PIK3C2G: variants seen among roughly 807,000 people sequenced by gnomAD.
The protein encoded by PIK3C2G is phosphatidylinositol 3-kinase C2 domain-containing subunit gamma.
In PIK3C2G, 168 loss-of-function variants were observed where a neutral mutation model predicts 181.1. The observed-to-expected ratio is 0.93, with a 90% CI of 0.82 to 1.05. The LOEUF (loss-of-function observed/expected upper bound fraction) is 1.05. Among genes scored for constraint, PIK3C2G ranks in the 50% least tolerant of loss-of-function variants. The pLI, the probability that PIK3C2G is intolerant of heterozygous loss-of-function variation, is 0.00. For missense variants in PIK3C2G, 1,869 were observed against 1,732.8 expected, an observed-to-expected ratio of 1.08 and a Z score of -1.40; for synonymous variants, 573 against 592.2, an observed-to-expected ratio of 0.97 and a Z score of 0.47.
chr12:18,337,960 T>C (rs1420695901), intron 8 of PIK3C2G, among the ~76,000 whole-genome samples: 1 of 152,186 alleles, frequency 6.6e-6, no homozygotes, highest in Non-Finnish European at 1.5e-5. Flanking sequence ...TTTGCCCAAC[T>C]ATACACTGAT....
rs530883879 is a variant in PIK3C2G at position 18,550,977 on chromosome 12, T to C, written c.3590+4545T>C. 1.9e-4 allele frequency among the ~76,000 whole-genome samples: 29 copies of C among 152,192 alleles called. No homozygotes were observed. The South Asian group carries it at 6.0e-3, about 32-fold the overall frequency. On this transcript the variant is annotated intron_variant, in intron 26 of 32. Coordinates refer to ENST00000538779, the MANE Select transcript of PIK3C2G (RefSeq NM_001288772.2). ...TACTCTATTTATGAACAACCCAAGATTTTTCCTCACTCTTGGACATATCCA... is the reference window on the plus strand; with the variant it reads ...TACTCTATTTATGAACAACCCAAGACTTTTCCTCACTCTTGGACATATCCA...
At chr12:18,261,175 C>A (rs1265574444), upstream of PIK3C2G, among the ~76,000 whole-genome samples, 1 of 152,084 alleles carries the variant, frequency 6.6e-6, no homozygotes, top group African/African-American at 2.4e-5. Flanking sequence ...CACATCCAAC[C>A]ACCTCCACGT....
intron 18 of PIK3C2G, among the ~76,000 whole-genome samples, chr12:18,468,006 TACATAA>T (rs907515139): frequency 2.4e-4 from 36 of 151,980 alleles, no homozygotes; most frequent in African/African-American, 8.2e-4. Flanking sequence ...TAATTTTAGC[TACATAA>T]ACATAAACTG....
chr12:18,267,354 T>A (rs1486766470), intron 1 of PIK3C2G, among the ~76,000 whole-genome samples: 1 of 152,216 alleles, frequency 6.6e-6, no homozygotes, highest in East Asian at 1.9e-4. Flanking sequence ...ATAGAACACA[T>A]GATTTCTTAA....
At chr12:18,504,301 C>T (rs1279223744) in intron 23 of PIK3C2G, among the ~76,000 whole-genome samples, 1 of 152,128 alleles carries the variant, frequency 6.6e-6, no homozygotes, top group Admixed American at 6.5e-5. Flanking sequence ...GATAAAATTA[C>T]CTTGAAGTCT....
chr12:18,657,044 G>A, the PIK3C2G span, among the ~76,000 whole-genome samples: 478 of 152,182 alleles, frequency 3.1e-3, 5 homozygotes, highest in African/African-American at 0.011. Flanking sequence ...AATTGTGGTT[G>A]TTTTGACTTG....
chr12:18,358,778 G>A (rs988748465), intron 11 of PIK3C2G: 4 of 324,796 alleles, frequency 1.2e-5, no homozygotes, highest in Non-Finnish European at 6.0e-6. Flanking sequence ...GTAAAATGGG[G>A]GCTTTGGAAA....
At chr12:18,545,291 G>A (rs1486498896) in intron 25 of PIK3C2G, among the ~76,000 whole-genome samples, 1 of 151,708 alleles carries the variant, frequency 6.6e-6, no homozygotes, top group Non-Finnish European at 1.5e-5. Flanking sequence ...GGTGGGGATG[G>A]TGGGAAAAAA....
the PIK3C2G span, among the ~76,000 whole-genome samples, chr12:18,657,774 A>C: frequency 1.3e-5 from 2 of 152,188 alleles, no homozygotes; most frequent in African/African-American, 4.8e-5. Context: ...TCTTCAACAA[A>C]AAATTGTGAA....
chr12:18,510,910 C>T (rs906630522), intron 24 of PIK3C2G, among the ~76,000 whole-genome samples: 1 of 152,128 alleles, frequency 6.6e-6, no homozygotes, highest in Non-Finnish European at 1.5e-5. Context: ...CTGTAGTCAA[C>T]TGATGGACAA....
At chr12:18,649,853 T>C (rs1303410425), downstream of PIK3C2G, among the ~76,000 whole-genome samples, 4 of 152,142 alleles carry the variant, frequency 2.6e-5, no homozygotes, top group African/African-American at 4.8e-5. Flanking sequence ...CTTTTAGTTA[T>C]AGTTTAGTTT....
chr12:18,307,112 A>C (rs2137347683), intron 5 of PIK3C2G, among the ~76,000 whole-genome samples: 1 of 149,906 alleles, frequency 6.7e-6, no homozygotes, highest in Admixed American at 6.8e-5. Context: ...TTGAGTACTT[A>C]TCACTTTTTG....
rs566228798 is a variant in PIK3C2G at position 18,583,398 on chromosome 12, T to G, written c.4012-11096T>G. Among the ~76,000 whole-genome samples, 310 of 152,164 alleles carry G rather than the reference T, an allele frequency of 2.0e-3. 1 individual carries two copies. The highest frequency in any genetic ancestry group is 3.4e-3 in the Non-Finnish European group (234 of 67,996). On this transcript the variant is annotated intron_variant, in intron 29 of 32. Transcript: ENST00000538779. ...GGTCCCCAGCCCTGTATCTCCTCAGTGGGTGGGTCCTCCTGGCCTGAGTCT... is the reference window on the plus strand; with the variant it reads ...GGTCCCCAGCCCTGTATCTCCTCAGGGGGTGGGTCCTCCTGGCCTGAGTCT...
At chr12:18,447,769 T>C (rs892588369) in intron 18 of PIK3C2G, among the ~76,000 whole-genome samples, 1 of 152,152 alleles carries the variant, frequency 6.6e-6, no homozygotes, top group Non-Finnish European at 1.5e-5. Flanking sequence ...AAATAATGAA[T>C]TTAAAAGTAT....
At chr12:18,248,510 G>A (rs1236309316) in intron 1 of PIK3C2G, among the ~76,000 whole-genome samples, 2 of 152,154 alleles carry the variant, frequency 1.3e-5, no homozygotes, top group Non-Finnish European at 2.9e-5. Flanking sequence ...GGCGGAGCCT[G>A]CAGTGAGCCG....
intron 29 of PIK3C2G, among the ~76,000 whole-genome samples, chr12:18,569,699 T>C (rs1319406246): frequency 6.6e-6 from 1 of 152,194 alleles, no homozygotes; most frequent in Non-Finnish European, 1.5e-5. Flanking sequence ...CAGTTTGTTC[T>C]CTCATTTGCA....
intron 31 of PIK3C2G, among the ~76,000 whole-genome samples, chr12:18,630,710 A>G (rs1035146191): frequency 5.6e-4 from 5 of 8,964 alleles, no homozygotes; most frequent in African/African-American, 7.2e-4. Flanking sequence ...GCAAATCTAG[A>G]CTATATAAAA....
At chr12:18,390,348 A>AT (rs1943457403) in intron 14 of PIK3C2G, among the ~76,000 whole-genome samples, 2 of 152,152 alleles carry the variant, frequency 1.3e-5, no homozygotes, top group Non-Finnish European at 2.9e-5. Context: ...TAATATTAAA[A>AT]TGAAAAAAAC....
At chr12:18,705,150 C>T in the PIK3C2G span, 1 of 1,613,472 alleles carries the variant, frequency 6.2e-7, no homozygotes, top group Non-Finnish European at 8.5e-7. Flanking sequence ...CTGAGTTTCT[C>T]AGAAAAAAAT....
Sources: gnomAD v4.1 joint callset for allele counts (sites outside exome capture counted in the v4.1 genomes callset) on GRCh38, gnomAD v4.1.1 for gene constraint, MANE v1.5 for transcripts, NCBI Gene and HGNC (gene_info 2026-07-23, HGNC 2026-07-21) for gene names.